Variants in SFMBT1 observed in about 807,000 individuals in gnomAD.
SFMBT1 encodes scm-like with four MBT domains protein 1.
Under a neutral mutation model 108.7 loss-of-function variants are expected in SFMBT1, and 32 were observed. The ratio of observed to expected loss-of-function variants is 0.29; its 90% CI spans 0.22 to 0.40. SFMBT1 has a LOEUF of 0.40. Among genes scored for constraint, SFMBT1 ranks in the 10% least tolerant of loss-of-function variants. SFMBT1 has a pLI of 1.00. For synonymous variants in SFMBT1, 348 were observed against 369.5 expected, an observed-to-expected ratio of 0.94 and a Z score of 0.67; for missense variants, 816 against 1,059.6, an observed-to-expected ratio of 0.77 and a Z score of 3.19.
At chr3:52,977,217 G>GA (rs1418892285) in intron 1 of SFMBT1, among the ~76,000 whole-genome samples, 1 of 152,104 alleles carries the variant, frequency 6.6e-6, no homozygotes, top group African/African-American at 2.4e-5. Context: ...CCTGTATTAA[G>GA]AAAAAACTGG....
At chr3:52,994,109 C>CTGT (rs2106900837) in intron 1 of SFMBT1, among the ~76,000 whole-genome samples, 1 of 150,568 alleles carries the variant, frequency 6.6e-6, no homozygotes, top group South Asian at 2.1e-4. Flanking sequence ...AATCCTCAAC[C>CTGT]TGTTAATAAG....
intron 1 of SFMBT1, among the ~76,000 whole-genome samples, chr3:52,983,514 T>C (rs532478886): frequency 1.3e-5 from 2 of 152,260 alleles, no homozygotes; most frequent in African/African-American, 4.8e-5. Context: ...ATAATATGTA[T>C]GTTGAATGAA....
At chr3:52,941,593 C>CCAAAA (rs745586161) in intron 4 of SFMBT1, among the ~76,000 whole-genome samples, 3 of 64,034 alleles carry the variant, frequency 4.7e-5, no homozygotes, top group Non-Finnish European at 8.4e-5. Context: ...GACTCTGTTT[C>CCAAAA]AAAAAAAAAA....
At chr3:53,038,657 A>G (rs1180354512) in intron 1 of SFMBT1, among the ~76,000 whole-genome samples, 1 of 152,206 alleles carries the variant, frequency 6.6e-6, no homozygotes, top group Non-Finnish European at 1.5e-5. Flanking sequence ...TTTCTCTCCA[A>G]CCAGGATTGG....
At chr3:52,966,311 G>C (rs1236934629) in intron 2 of SFMBT1, among the ~76,000 whole-genome samples, 1 of 125,886 alleles carries the variant, frequency 7.9e-6, no homozygotes, top group African/African-American at 3.1e-5. Context: ...GACAGAGCAA[G>C]ACTCCCGTCT....
At chr3:53,040,757 A>C (rs1318065673) in intron 1 of SFMBT1, among the ~76,000 whole-genome samples, 2 of 152,060 alleles carry the variant, frequency 1.3e-5, no homozygotes, top group African/African-American at 2.4e-5. Flanking sequence ...CACAGAGTTC[A>C]ACAGGTACTT....
chr3:53,030,373 T>G (rs1351486150), intron 1 of SFMBT1, among the ~76,000 whole-genome samples: 1 of 151,994 alleles, frequency 6.6e-6, no homozygotes, highest in Non-Finnish European at 1.5e-5. Context: ...ACTGAGGAAC[T>G]AGGGGTTTCA....
chr3:53,045,972 G>A lies in SFMBT1; in HGVS notation c.-287C>T, dbSNP rs1463883483. On this transcript the variant is annotated 5_prime_UTR_variant, in exon 1 of 21. An upstream open reading frame in the 5' UTR gains an earlier in-frame stop. Transcript: ENST00000394752. ...GCCCGCTCGCGCCCTCCTTCCTGCT[G>A]GGTTCGGCGGAGCGGGGCGGCCGGC... 1.3e-5 allele frequency: 2 copies of A among 151,074 alleles called. No individual in the cohort carries two copies. Among genetic ancestry groups the A allele is most frequent in the Admixed American group, 6.6e-5 (1 of 15,176 alleles). 9.4% of individuals were successfully genotyped at this position (151,074 alleles called of 1,614,324 possible).
rs779763473 is a variant in SFMBT1 at position 52,934,935 on chromosome 3, A to T, written c.365-34T>A. The T allele has an allele frequency of 1.9e-6, 3 of 1,570,424 alleles. No individual in the cohort carries two copies. In the East Asian group the frequency reaches 6.7e-5, roughly 35 times the overall value. On this transcript the variant is annotated intron_variant, in intron 4 of 20. Transcript: ENST00000394752. ...GGGAATAAATGACTGATTACTCAAA[A>T]TGCCAGCCACAGAATGCAGAGAAAC...
intron 11 of SFMBT1, among the ~76,000 whole-genome samples, chr3:52,921,143 G>A (rs539245493): frequency 7.5e-4 from 114 of 152,224 alleles, no homozygotes; most frequent in African/African-American, 2.7e-3. Flanking sequence ...CTTGACATCC[G>A]CATTAAATGC....
In SFMBT1 at chr3:53,022,394, C is replaced by T. The variant is rs1365316467; in HGVS notation, c.-131+23422G>A. On this transcript the variant is annotated intron_variant, in intron 1 of 20. Coordinates refer to ENST00000394752, the MANE Select transcript of SFMBT1 (RefSeq NM_016329.4). ...GGGCCCAGGAGGTAGACGCTGCAGT[C>T]AGCCATGATCACACCACTGCACTCC... Among the ~76,000 whole-genome samples the T allele has an allele frequency of 1.3e-4, 19 of 142,378 alleles. No individual in the cohort carries two copies. In the Admixed American group the frequency reaches 1.4e-3, roughly 11 times the overall value. The allele number at this position is 142,378 out of a possible 152,430, so 93.4% of individuals were successfully genotyped here. A position where few individuals can be genotyped will look rare whatever the true frequency, so the allele number is the denominator to read the frequency against.
intron 1 of SFMBT1, among the ~76,000 whole-genome samples, chr3:52,973,382 T>C (rs1704414218): frequency 6.6e-6 from 1 of 152,120 alleles, no homozygotes; most frequent in Non-Finnish European, 1.5e-5. Context: ...TGGAGAAATT[T>C]TAAATACTTC....
chr3:53,030,423 A>T (rs1314697107), intron 1 of SFMBT1, among the ~76,000 whole-genome samples: 5 of 152,152 alleles, frequency 3.3e-5, no homozygotes, highest in Admixed American at 6.5e-5. Context: ...TCAAAAAAAA[A>T]TTTTACTATG....
intron 1 of SFMBT1, among the ~76,000 whole-genome samples, chr3:52,976,781 AT>A (rs536625760): frequency 9.2e-5 from 14 of 152,324 alleles, no homozygotes; most frequent in Non-Finnish European, 1.8e-4. Context: ...TAACATGGAC[AT>A]TTTTTTAAAA....
At chr3:52,944,954 C>T (rs1027062852) in intron 3 of SFMBT1, among the ~76,000 whole-genome samples, 4 of 151,624 alleles carry the variant, frequency 2.6e-5, no homozygotes, top group Admixed American at 6.6e-5. Context: ...CAGATGTGCG[C>T]CACCATGCCT....
At chr3:53,009,239 G>A (rs867399224) in intron 1 of SFMBT1, among the ~76,000 whole-genome samples, 1 of 151,898 alleles carries the variant, frequency 6.6e-6, no homozygotes, top group South Asian at 2.1e-4. Context: ...TTAAGGTCGG[G>A]AGTTCAAGAC....
chr3:52,973,032 A>G (rs1704403047), intron 1 of SFMBT1, among the ~76,000 whole-genome samples: 1 of 152,090 alleles, frequency 6.6e-6, no homozygotes, highest in African/African-American at 2.4e-5. Context: ...AAAAAAGGAA[A>G]AAAAGAAAGA....
At chr3:52,936,763 TTTC>T (rs1274821501) in intron 4 of SFMBT1, among the ~76,000 whole-genome samples, 1 of 152,138 alleles carries the variant, frequency 6.6e-6, no homozygotes, top group Non-Finnish European at 1.5e-5. Context: ...AGTTAATGCA[TTTC>T]TTCTTCTTCT....
intron 1 of SFMBT1, among the ~76,000 whole-genome samples, chr3:53,043,932 T>C (rs1700131882): frequency 6.6e-6 from 1 of 152,190 alleles, no homozygotes; most frequent in South Asian, 2.1e-4. Flanking sequence ...GAAGTCAGAA[T>C]TGTGGTTGCC....
Sources: gnomAD v4.1 joint callset for allele counts (sites outside exome capture counted in the v4.1 genomes callset) on GRCh38, gnomAD v4.1.1 for gene constraint, MANE v1.5 for transcripts, NCBI Gene and HGNC (gene_info 2026-07-23, HGNC 2026-07-21) for gene names.